Variants in SLC4A4 observed in about 807,000 individuals in gnomAD.
SLC4A4 encodes solute carrier family 4 member 4.
Under a neutral mutation model 111.5 loss-of-function variants are expected in SLC4A4, and 27 were observed. The observed-to-expected ratio is 0.24, with a 90% confidence interval of 0.18 to 0.33. The LOEUF is 0.33. Among genes scored for constraint, SLC4A4 ranks in the 10% least tolerant of loss-of-function variants. The pLI, the probability that SLC4A4 is intolerant of heterozygous loss-of-function variation, is 1.00. For missense variants in SLC4A4, 909 were observed against 1,315.5 expected, an observed-to-expected ratio of 0.69 and a Z score of 4.78; for synonymous variants, 443 against 463.4, an observed-to-expected ratio of 0.96 and a Z score of 0.57.
At chr4:71,176,130 G>A (rs1370838122) in intron 2 of SLC4A4, among the ~76,000 whole-genome samples, 1 of 152,192 alleles carries the variant, frequency 6.6e-6, no homozygotes, top group Non-Finnish European at 1.5e-5. Context: ...CTGACTGTTA[G>A]AAGGAAAACG....
intron 6 of SLC4A4, among the ~76,000 whole-genome samples, chr4:71,359,743 C>T (rs938059173): frequency 6.6e-6 from 1 of 151,980 alleles, no homozygotes; most frequent in Non-Finnish European, 1.5e-5. Context: ...TAGAATTATT[C>T]CTACAGTTTT....
At chr4:71,493,801 C>T (rs1460354144) in intron 15 of SLC4A4, among the ~76,000 whole-genome samples, 1 of 151,790 alleles carries the variant, frequency 6.6e-6, no homozygotes, top group Non-Finnish European at 1.5e-5. Context: ...AAGTTTTTGC[C>T]AACCCCAAAG....
At chr4:71,211,021 C>T (rs1275519474) in intron 1 of SLC4A4, among the ~76,000 whole-genome samples, 4 of 152,146 alleles carry the variant, frequency 2.6e-5, no homozygotes, top group East Asian at 1.9e-4. Flanking sequence ...AAAGAAAACT[C>T]GCATTCAGAA....
At chr4:71,566,004 T>A (rs1205362601) in intron 24 of SLC4A4, among the ~76,000 whole-genome samples, 1 of 151,798 alleles carries the variant, frequency 6.6e-6, no homozygotes, top group African/African-American at 2.4e-5. Flanking sequence ...CATATTCTGG[T>A]GGTTATGCAG....
At chr4:71,068,432 A>AGACCATTTT (rs1344863701) in intron 1 of SLC4A4, among the ~76,000 whole-genome samples, 1 of 152,120 alleles carries the variant, frequency 6.6e-6, no homozygotes, top group Non-Finnish European at 1.5e-5. Context: ...ATCAAAATAC[A>AGACCATTTT]GACCATTTTT....
chr4:71,073,024 C>T (rs943027216), intron 1 of SLC4A4, among the ~76,000 whole-genome samples: 25 of 152,060 alleles, frequency 1.6e-4, no homozygotes, highest in African/African-American at 4.8e-5. Context: ...GCCTTGGTCT[C>T]CCAAAGTTCT....
chr4:71,113,671 T>C (rs995621280), intron 2 of SLC4A4, among the ~76,000 whole-genome samples: 1 of 152,176 alleles, frequency 6.6e-6, no homozygotes, highest in Admixed American at 6.5e-5. Flanking sequence ...ATAATAACCA[T>C]GTCCCATAAC....
intron 3 of SLC4A4, among the ~76,000 whole-genome samples, chr4:71,328,142 C>A (rs570830125): frequency 1.8e-4 from 28 of 152,206 alleles, no homozygotes; most frequent in African/African-American, 6.5e-4. Context: ...CATCTTATTG[C>A]AAATGACTGG....
chr4:71,094,578 G>C (rs1310517543), intron 2 of SLC4A4, among the ~76,000 whole-genome samples: 1 of 152,222 alleles, frequency 6.6e-6, no homozygotes, highest in Non-Finnish European at 1.5e-5. Context: ...GTCTCAGCTG[G>C]TAGATGTAAG....
chr4:71,314,016 T>C (rs1346223817), intron 3 of SLC4A4, among the ~76,000 whole-genome samples: 3 of 151,840 alleles, frequency 2.0e-5, no homozygotes, highest in African/African-American at 7.3e-5. Flanking sequence ...TTGCAATCTA[T>C]CCATCTGACA....
chr4:71,135,296 C>CT (rs376221639), intron 2 of SLC4A4, among the ~76,000 whole-genome samples: 91,799 of 130,496 alleles, frequency 0.7, 33,416 homozygotes, highest in Admixed American at 0.8. Flanking sequence ...ACAATCTACT[C>CT]TTTTTTTTTT....
At chr4:71,270,136 A>G (rs1722597659) in intron 3 of SLC4A4, among the ~76,000 whole-genome samples, 1 of 152,182 alleles carries the variant, frequency 6.6e-6, no homozygotes, top group Non-Finnish European at 1.5e-5. Context: ...CCCCCAGGCA[A>G]GAGTGCAATG....
chr4:71,278,953 A>G (rs1441946598), intron 3 of SLC4A4, among the ~76,000 whole-genome samples: 1 of 152,114 alleles, frequency 6.6e-6, no homozygotes, highest in Non-Finnish European at 1.5e-5. Context: ...GGTATAATTG[A>G]CAAATAAAAG....
intron 1 of SLC4A4, among the ~76,000 whole-genome samples, chr4:71,225,693 G>A (rs1048525901): frequency 2.4e-4 from 36 of 152,194 alleles, no homozygotes; most frequent in South Asian, 6.2e-4. Context: ...GTCAGAGGTG[G>A]GTGGGTCAGG....
intron 12 of SLC4A4, among the ~76,000 whole-genome samples, chr4:71,464,243 A>G (rs1275148886): frequency 2.6e-5 from 4 of 152,200 alleles, no homozygotes; most frequent in African/African-American, 7.2e-5. Flanking sequence ...TACATACACT[A>G]AAGACCCAAA....
intron 1 of SLC4A4, among the ~76,000 whole-genome samples, chr4:71,188,525 T>G (rs1453461399): frequency 6.6e-6 from 1 of 152,198 alleles, no homozygotes; most frequent in Admixed American, 6.5e-5. Flanking sequence ...TCTCAAATCC[T>G]GCAGCAGTTC....
intron 2 of SLC4A4, among the ~76,000 whole-genome samples, chr4:71,108,231 T>A (rs1248521959): frequency 6.6e-6 from 1 of 152,238 alleles, no homozygotes; most frequent in Non-Finnish European, 1.5e-5. Context: ...CCCATGTGTT[T>A]ATTTTTATTA....
chr4:71,132,479 G>A lies in SLC4A4; in HGVS notation c.-2+39687G>A, dbSNP rs115177323. ...GGTTTTAGCAGTTACAGCAGGTTTA[G>A]CTGGATGGATACTACCTCCTGGACA... is the stretch of plus-strand genomic sequence containing the variant. On this transcript the variant is annotated intron_variant, in intron 2 of 26. Transcript: ENST00000649996. Among the ~76,000 whole-genome samples, 1,157 of 152,330 alleles carry A rather than the reference G, an allele frequency of 7.6e-3. 22 individuals are homozygous for A. The highest frequency in any genetic ancestry group is 0.027 in the African/African-American group (1,105 of 41,572).
chr4:71,063,197 T>G (rs555039702), intron 1 of SLC4A4, among the ~76,000 whole-genome samples: 1 of 152,188 alleles, frequency 6.6e-6, no homozygotes, highest in Non-Finnish European at 1.5e-5. Context: ...AAGGACTTAG[T>G]GTCATACCCA....
Sources: gnomAD v4.1 joint callset for allele counts (sites outside exome capture counted in the v4.1 genomes callset) on GRCh38, gnomAD v4.1.1 for gene constraint, MANE v1.5 for transcripts, NCBI Gene and HGNC (gene_info 2026-07-23, HGNC 2026-07-21) for gene names.